CLIP1: variants seen among roughly 807,000 people sequenced by gnomAD.
CLIP1 encodes the protein CAP-Gly domain containing linker protein 1, also known as CAP-Gly domain-containing linker protein 1.
A neutral mutation model predicts 161.6 loss-of-function variants in CLIP1; 66 were observed. The ratio of observed to expected loss-of-function variants is 0.41; its 90% CI spans 0.33 to 0.50. The LOEUF is 0.50. Ranked by LOEUF, CLIP1 falls within the 20% of genes least tolerant of loss-of-function variation. The pLI is 0.27. For missense variants in CLIP1, 1,376 were observed against 1,702.0 expected, an observed-to-expected ratio of 0.81 and a Z score of 3.37; for synonymous variants, 598 against 626.2, an observed-to-expected ratio of 0.96 and a Z score of 0.67.
intron 3 of CLIP1, among the ~76,000 whole-genome samples, chr12:122,371,123 T>A (rs547298296): frequency 5.3e-4 from 80 of 152,284 alleles, no homozygotes; most frequent in African/African-American, 1.9e-3. Flanking sequence ...CTACCAAGTG[T>A]CTGAGGCTCA....
intron 3 of CLIP1, among the ~76,000 whole-genome samples, chr12:122,370,364 G>A (rs1429549788): frequency 6.6e-6 from 1 of 152,132 alleles, no homozygotes; most frequent in Admixed American, 6.5e-5. Flanking sequence ...ATCACGATGT[G>A]TTGGTCTTCG....
intron 15 of CLIP1, among the ~76,000 whole-genome samples, chr12:122,331,737 G>A (rs1048992367): frequency 6.6e-6 from 1 of 152,182 alleles, no homozygotes; most frequent in Non-Finnish European, 1.5e-5. Context: ...ACTCATGCCT[G>A]TAATTCCAGC....
chr12:122,298,772 T>C (rs186315303), intron 20 of CLIP1, among the ~76,000 whole-genome samples: 2 of 152,054 alleles, frequency 1.3e-5, no homozygotes, highest in African/African-American at 4.8e-5. Flanking sequence ...CTGGTCAACA[T>C]AGCAAAACCC....
intron 24 of CLIP1, 30 bp downstream of exon 24, chr12:122,278,124 G>A: frequency 1.3e-6 from 2 of 1,584,884 alleles, no homozygotes; most frequent in Non-Finnish European, 1.7e-6. Context: ...AAAACAGCAA[G>A]AAAGTAAAGC....
chr12:122,273,589 TCTCA>T lies in CLIP1; in HGVS notation c.4091+445_4091+448del, dbSNP rs939250777. On this transcript the variant is annotated intron_variant, in intron 25 of 25. Coordinates refer to ENST00000620786, the MANE Select transcript of CLIP1 (RefSeq NM_001247997.2). ...TCATGTCAAAGCATTTGTAGTCTCC[TCTCA>T]CTCACTTGCCAGATTTATGGAAATC... Among the ~76,000 whole-genome samples, 26 of 152,044 alleles carry T rather than the reference TCTCA, an allele frequency of 1.7e-4. 1 individual carries two copies. Among genetic ancestry groups the T allele is most frequent in the Non-Finnish European group, 5.9e-5 (4 of 67,994 alleles).
chr12:122,308,993 A>G (rs1950974699), intron 20 of CLIP1, among the ~76,000 whole-genome samples: 1 of 152,246 alleles, frequency 6.6e-6, no homozygotes, highest in Non-Finnish European at 1.5e-5. Context: ...AGAATGAATG[A>G]CTACACAGCA....
At chr12:122,358,173 T>A (rs1459001845) in intron 5 of CLIP1, among the ~76,000 whole-genome samples, 1 of 151,770 alleles carries the variant, frequency 6.6e-6, no homozygotes, top group East Asian at 1.9e-4. Context: ...ATGTGCTGTG[T>A]CCACTCAGGG....
intron 3 of CLIP1, chr12:122,365,731 G>A: frequency 1.6e-6 from 1 of 636,892 alleles, no homozygotes; most frequent in Non-Finnish European, 2.8e-6. Flanking sequence ...CTTGTGGCTG[G>A]GCACAGTGGT....
intron 20 of CLIP1, among the ~76,000 whole-genome samples, chr12:122,290,370 A>G (rs768525049): frequency 3.3e-5 from 5 of 152,194 alleles, no homozygotes; most frequent in Admixed American, 1.3e-4. Flanking sequence ...TTAGAATGAA[A>G]GGAAGAAAAA....
chr12:122,293,685 T>C (rs898320562), intron 20 of CLIP1, among the ~76,000 whole-genome samples: 7 of 151,996 alleles, frequency 4.6e-5, no homozygotes, highest in African/African-American at 1.4e-4. Flanking sequence ...TCCACGTTGA[T>C]CAGGCTGGTC....
intron 3 of CLIP1, among the ~76,000 whole-genome samples, chr12:122,372,079 C>G (rs534618544): frequency 6.7e-4 from 101 of 151,824 alleles, no homozygotes; most frequent in African/African-American, 2.4e-3. Flanking sequence ...GTCAGGAGTT[C>G]GAGACCATAC....
chr12:122,385,621 TGGA>T (rs1955222837), intron 1 of CLIP1, among the ~76,000 whole-genome samples: 1 of 152,104 alleles, frequency 6.6e-6, no homozygotes, highest in African/African-American at 2.4e-5. Flanking sequence ...TGTCTATATT[TGGA>T]GGAGGAGGTG....
At chr12:122,420,203 G>A (rs1348106587) in intron 1 of CLIP1, among the ~76,000 whole-genome samples, 1 of 151,784 alleles carries the variant, frequency 6.6e-6, no homozygotes. Flanking sequence ...AAATTAGCCA[G>A]GCATGGTGGC....
chr12:122,380,662 C>T (rs1241195641), intron 1 of CLIP1, 104 bp from the exon 2 acceptor site: 2 of 383,574 alleles, frequency 5.2e-6, no homozygotes, highest in Non-Finnish European at 9.4e-6. Flanking sequence ...GACAATAATC[C>T]ATCTCCAGGC....
chr12:122,272,678 C>A lies in CLIP1; in HGVS notation c.*197G>T. 1.8e-6 allele frequency: 1 copy of A among 560,124 alleles called. No homozygotes were observed. The highest frequency in any genetic ancestry group is 2.4e-5 in the South Asian group (1 of 41,740). The allele number at this position is 560,124 out of a possible 1,614,324, so 34.7% of individuals were successfully genotyped here. On this transcript the variant is annotated 3_prime_UTR_variant, in exon 26 of 26. Coordinates refer to ENST00000620786, the MANE Select transcript of CLIP1 (RefSeq NM_001247997.2). The stretch of plus-strand genomic sequence containing the variant: ...AACAAAATTCGAGGTGAAAACTCAC[C>A]TACTAAATATTTATTATTCTAACTC...
intron 24 of CLIP1, chr12:122,277,506 A>G (rs1471001778): frequency 1.3e-5 from 2 of 152,176 alleles, no homozygotes; most frequent in African/African-American, 4.8e-5. Flanking sequence ...GTTTAAAACT[A>G]AAGTTGTTTT....
intron 22 of CLIP1, 41 bp downstream of exon 22, chr12:122,278,987 G>C: frequency 3.1e-6 from 5 of 1,606,280 alleles, no homozygotes; most frequent in Non-Finnish European, 4.2e-6. Flanking sequence ...TGAACGAAAG[G>C]AGGCCGCGTG....
chr12:122,331,048 CTT>C (rs1951940287), intron 15 of CLIP1, among the ~76,000 whole-genome samples: 1 of 150,442 alleles, frequency 6.6e-6, no homozygotes, highest in Non-Finnish European at 1.5e-5. Context: ...GAGTTTCACT[CTT>C]GTTGCCCAGG....
intron 1 of CLIP1, among the ~76,000 whole-genome samples, chr12:122,394,970 T>C (rs1301772724): frequency 2.0e-5 from 3 of 152,194 alleles, no homozygotes; most frequent in Non-Finnish European, 4.4e-5. Flanking sequence ...GAAACAGGTA[T>C]AAACAGCACA....
Sources: allele counts gnomAD v4.1 joint callset (sites outside exome capture counted in the v4.1 genomes callset), GRCh38; gene constraint gnomAD v4.1.1; transcripts MANE v1.5; gene names NCBI Gene and HGNC (gene_info 2026-07-23, HGNC 2026-07-21).